The following CTNNA2 variants were observed in gnomAD, a reference collection of about 807,000 sequenced individuals.
CTNNA2 encodes the protein catenin alpha 2, also known as catenin alpha-2.
CTNNA2 carries 42 observed loss-of-function variants against 101.0 expected under a neutral mutation model. The observed-to-expected ratio is 0.42, with a 90% CI of 0.32 to 0.54. The LOEUF is 0.54. CTNNA2 is among the 20% of genes least tolerant of loss of function. CTNNA2 has a pLI of 0.14. For missense variants in CTNNA2, 871 were observed against 1,223.1 expected (o/e 0.71, Z 4.29); for synonymous variants, 450 against 456.4 (o/e 0.99, Z 0.18).
intron 2 of CTNNA2, among the ~76,000 whole-genome samples, chr2:79,695,240 T>G (rs1573706299): frequency 1.3e-5 from 2 of 151,978 alleles, no homozygotes; most frequent in East Asian, 3.9e-4. Context: ...CACACTTTAG[T>G]GTATGCAACT....
chr2:80,234,566 C>G (rs1709442002), intron 7 of CTNNA2, among the ~76,000 whole-genome samples: 1 of 152,072 alleles, frequency 6.6e-6, no homozygotes, highest in African/African-American at 2.4e-5. Context: ...TTGATGCTAT[C>G]AAGAGTTTTT....
At chr2:80,468,968 G>T (rs529134020) in intron 9 of CTNNA2, among the ~76,000 whole-genome samples, 1 of 152,202 alleles carries the variant, frequency 6.6e-6, no homozygotes, top group Non-Finnish European at 1.5e-5. Flanking sequence ...AAATTTTTCA[G>T]CTCTGCCATT....
chr2:79,252,292 A>ATT (rs5832371), intron 2 of CTNNA2, among the ~76,000 whole-genome samples: 61,881 of 150,358 alleles, frequency 0.41, 13,682 homozygotes, highest in Non-Finnish European at 0.49. Context: ...TTTGGAAGAG[A>ATT]TTTTTTTTTT....
At position 79,906,344 on chromosome 2, in the gene CTNNA2, C is replaced by T. The variant is rs570077261; in HGVS notation, c.853-3250C>T. On this transcript the variant is annotated intron_variant, in intron 6 of 18. Coordinates refer to ENST00000402739, the MANE Select transcript of CTNNA2 (RefSeq NM_001282597.3). Reference sequence around the variant, plus strand: ...CACCCACATGCAATCAGTACCTCTTCCCGTGCACATGTGCATGCACACACT... The same window carrying T: ...CACCCACATGCAATCAGTACCTCTTTCCGTGCACATGTGCATGCACACACT... 9.9e-5 allele frequency among the ~76,000 whole-genome samples: 15 copies of T among 152,202 alleles called. No individual in the cohort carries two copies. The South Asian group carries it at 3.1e-3, about 32-fold the overall frequency.
chr2:79,521,125 T>C, intron 1 of CTNNA2, among the ~76,000 whole-genome samples: 1 of 9,092 alleles, frequency 1.1e-4, no homozygotes. Flanking sequence ...TATATATATA[T>C]ATATATATAT....
At chr2:79,658,237 T>C (rs1474436075) in intron 2 of CTNNA2, among the ~76,000 whole-genome samples, 1 of 152,020 alleles carries the variant, frequency 6.6e-6, no homozygotes, top group Non-Finnish European at 1.5e-5. Context: ...CAATTGTAAA[T>C]CCTGTATTCA....
intron 7 of CTNNA2, among the ~76,000 whole-genome samples, chr2:80,173,057 C>T (rs575506015): frequency 1.8e-4 from 27 of 152,136 alleles, no homozygotes; most frequent in Non-Finnish European, 3.5e-4. Flanking sequence ...GAATCAGAAC[C>T]TGTACTTATA....
At chr2:80,500,168 C>T (rs1687770870) in intron 9 of CTNNA2, among the ~76,000 whole-genome samples, 1 of 152,078 alleles carries the variant, frequency 6.6e-6, no homozygotes. Context: ...TAAGTAGATA[C>T]TTTTTAATAT....
intron 7 of CTNNA2, among the ~76,000 whole-genome samples, chr2:80,147,239 A>G (rs995359250): frequency 6.6e-6 from 1 of 151,912 alleles, no homozygotes; most frequent in Non-Finnish European, 1.5e-5. Flanking sequence ...GTGCTGGGAT[A>G]ACAGGTGTGA....
At chr2:79,445,385 G>A (rs183292736) in intron 4 of CTNNA2, among the ~76,000 whole-genome samples, 1 of 152,250 alleles carries the variant, frequency 6.6e-6, no homozygotes, top group East Asian at 1.9e-4. Flanking sequence ...ACATGGCCTA[G>A]GGCCAGATGT....
intron 9 of CTNNA2, among the ~76,000 whole-genome samples, chr2:80,504,018 G>T (rs1433848337): frequency 6.6e-6 from 1 of 152,144 alleles, no homozygotes; most frequent in African/African-American, 2.4e-5. Context: ...TATAAATTTG[G>T]TGGCCTAAAA....
At position 79,938,917 on chromosome 2, in the gene CTNNA2, T is replaced by C. The variant is rs555470189; in HGVS notation, c.1056+29120T>C. 2.0e-3 allele frequency among the ~76,000 whole-genome samples: 308 copies of C among 152,254 alleles called. 3 individuals are homozygous for C. The highest frequency in any genetic ancestry group is 2.2e-3 in the Admixed American group (34 of 15,296). On this transcript the variant is annotated intron_variant, in intron 7 of 18. Transcript: ENST00000402739. ...ATACTAATGTAATAAAACCTTTGGT[T>C]CTCTAAGGCTCTTGCATTAAAGACC... is the stretch of plus-strand genomic sequence containing the variant.
At chr2:80,182,829 A>G (rs779967654) in intron 7 of CTNNA2, among the ~76,000 whole-genome samples, 2 of 152,164 alleles carry the variant, frequency 1.3e-5, no homozygotes, top group Non-Finnish European at 2.9e-5. Context: ...GTAAGGAGCT[A>G]TCTGTGTCAG....
rs576277850 is a variant in CTNNA2, at chr2:79,214,962, TA to T, written c.-406+16887del. Among the ~76,000 whole-genome samples, 576 of 152,022 alleles carry T rather than the reference TA, an allele frequency of 3.8e-3. 2 individuals are homozygous for T. The highest frequency in any genetic ancestry group is 0.014 in the Middle Eastern group (4 of 294). On this transcript the variant is annotated intron_variant, in intron 2 of 21. Coordinates refer to the CTNNA2 transcript ENST00000466387. ...TGAAAAGAAGGTAATGTGGAGTGGG[TA>T]GCCTCCGTATTGATTAAGAAGGGGA... is the stretch of plus-strand genomic sequence containing the variant.
chr2:79,731,516 T>C (rs1377528269), intron 2 of CTNNA2, among the ~76,000 whole-genome samples: 1 of 152,120 alleles, frequency 6.6e-6, no homozygotes, highest in Non-Finnish European at 1.5e-5. Context: ...AGCTTGTGGC[T>C]ACCCACCAGA....
At chr2:79,426,612 C>G (rs536545323) in intron 4 of CTNNA2, among the ~76,000 whole-genome samples, 4 of 152,198 alleles carry the variant, frequency 2.6e-5, no homozygotes, top group South Asian at 4.2e-4. Flanking sequence ...AATATATACT[C>G]AGTGAATAAA....
chr2:79,752,544 G>C (rs1174966554), intron 3 of CTNNA2, among the ~76,000 whole-genome samples: 1 of 152,196 alleles, frequency 6.6e-6, no homozygotes, highest in Non-Finnish European at 1.5e-5. Context: ...AATTGATGTA[G>C]GTAGGAATGC....
chr2:80,519,323 G>A (rs1474238915), intron 9 of CTNNA2, among the ~76,000 whole-genome samples: 3 of 152,194 alleles, frequency 2.0e-5, no homozygotes, highest in African/African-American at 7.2e-5. Context: ...ACACAGAAAC[G>A]CATTGCCAAA....
chr2:79,777,344 TG>T (rs1674053533), intron 3 of CTNNA2, among the ~76,000 whole-genome samples: 2 of 102,298 alleles, frequency 2.0e-5, no homozygotes, highest in Non-Finnish European at 3.4e-5. Context: ...TGTGTGTGTG[TG>T]TGTGTGTGTG....
Sources: allele counts gnomAD v4.1 joint callset (sites outside exome capture counted in the v4.1 genomes callset), GRCh38; gene constraint gnomAD v4.1.1; transcripts MANE v1.5; gene names NCBI Gene and HGNC (gene_info 2026-07-23, HGNC 2026-07-21).